Variants in TMEM145 observed in about 807,000 individuals in gnomAD.
TMEM145 encodes transmembrane protein 145.
In TMEM145, 46 loss-of-function variants were observed where a neutral mutation model predicts 68.5. That is an observed-to-expected ratio of 0.67 (90% CI 0.53 to 0.86). TMEM145 has a LOEUF of 0.86. Among genes scored for constraint, TMEM145 ranks in the 40% least tolerant of loss-of-function variants. TMEM145 has a pLI of 0.00. For missense variants in TMEM145, 570 were observed against 645.8 expected, an observed-to-expected ratio of 0.88 and a Z score of 1.27; for synonymous variants, 255 against 280.2, an observed-to-expected ratio of 0.91 and a Z score of 0.90.
chr19:42,320,907 G>A, intron 13 of TMEM145: 1 of 398,102 alleles, frequency 2.5e-6, no homozygotes, highest in Non-Finnish European at 4.4e-6. Context: ...GGGATTACAG[G>A]CATGGGCCAC....
At chr19:42,318,910 C>T (rs1051763201) in intron 12 of TMEM145, among the ~76,000 whole-genome samples, 5 of 151,930 alleles carry the variant, frequency 3.3e-5, no homozygotes, top group South Asian at 2.1e-4. Flanking sequence ...GGTAAAACCC[C>T]GTCTTTACTA....
intron 8 of TMEM145, 30 bp from the exon 9 acceptor site, chr19:42,316,444 CTTTCTAT>C (rs1459611115): frequency 6.3e-7 from 1 of 1,598,480 alleles, no homozygotes; most frequent in East Asian, 2.2e-5. Context: ...CCCAGAGCTG[CTTTCTAT>C]CCTTTCTTAT....
chr19:42,320,301 A>G lies in TMEM145; in HGVS notation c.1074-16A>G. ...ACAGGAGCAGTGTCTCTACTGACCC[A>G]ATACTTCCCCTTCAGGTTCTTTGCG... is the stretch of plus-strand genomic sequence containing the variant. On this transcript the variant is annotated splice_polypyrimidine_tract_variant and intron_variant, in intron 12 of 14. Coordinates refer to ENST00000301204, the MANE Select transcript of TMEM145 (RefSeq NM_173633.3). 3.1e-6 allele frequency: 5 copies of G among 1,613,582 alleles called. No homozygotes were observed. The highest frequency in any genetic ancestry group is 4.2e-6 in the Non-Finnish European group (5 of 1,179,988).
chr19:42,314,266 T>C lies in TMEM145; in HGVS notation c.121-6T>C. ...AGCGGAGGGTCAGACTGGGCCCCTT[T>C]TTCAGGACTGGGTGTTCCTGACAAG... On this transcript the variant is annotated splice_polypyrimidine_tract_variant and splice_region_variant and intron_variant, in intron 1 of 14. Coordinates refer to ENST00000301204, the MANE Select transcript of TMEM145 (RefSeq NM_173633.3). 6.2e-7 allele frequency: 1 copy of C among 1,613,992 alleles called. No homozygotes were observed. The highest frequency in any genetic ancestry group is 8.5e-7 in the Non-Finnish European group (1 of 1,179,988).
In TMEM145 at chr19:42,323,612, G is replaced by C; in HGVS notation, c.1224G>C (p.Lys408Asn). 1.2e-6 allele frequency: 2 copies of C among 1,614,136 alleles called. No homozygotes were observed. Among genetic ancestry groups the C allele is most frequent in the Non-Finnish European group, 1.7e-6 (2 of 1,180,028 alleles). Residue 408 changes from lysine (K) to asparagine (N), a missense_variant, in exon 14 of 15, where the codon AAG becomes AAC. By Grantham distance (94) the Lys-to-Asn change is moderately conservative (BLOSUM62 0). Coordinates refer to ENST00000301204, the MANE Select transcript of TMEM145 (RefSeq NM_173633.3). ...LIMTRPSAAN[K>N]NFPYHVRTSQ... ...TGACCCGCCCATCAGCGGCCAACAA[G>C]AACTTCCCGTACCACGTGCGCACGT...
intron 11 of TMEM145, 33 bp from the exon 12 acceptor site, chr19:42,317,671 GAGGCC>G (rs1037598385): frequency 6.2e-7 from 1 of 1,610,444 alleles, no homozygotes; most frequent in Non-Finnish European, 8.5e-7. Context: ...TAGAGGGGAG[GAGGCC>G]AGGCTGTGAT....
chr19:42,315,165 TACTC>T lies in TMEM145; in HGVS notation c.506-22_506-19del. On this transcript the variant is annotated intron_variant, in intron 6 of 14. Coordinates refer to ENST00000301204, the MANE Select transcript of TMEM145 (RefSeq NM_173633.3). The stretch of plus-strand genomic sequence containing the variant: ...AGGGGACATCCACCTGAATGAACCT[TACTC>T]CTCCTACCAAATCGGCAGGGATCCT... 1 of 1,613,352 alleles carries T rather than the reference TACTC, an allele frequency of 6.2e-7. No homozygotes were observed. Among genetic ancestry groups the T allele is most frequent in the Non-Finnish European group, 8.5e-7 (1 of 1,179,422 alleles).
intron 12 of TMEM145, among the ~76,000 whole-genome samples, chr19:42,319,284 C>A (rs2038889325): frequency 6.6e-6 from 1 of 152,128 alleles, no homozygotes; most frequent in African/African-American, 2.4e-5. Flanking sequence ...AGTTTCCTCA[C>A]CTTTTAATGG....
intron 13 of TMEM145, chr19:42,321,288 G>C (rs1379748053): frequency 2.6e-6 from 1 of 391,414 alleles, no homozygotes; most frequent in South Asian, 1.4e-4. Flanking sequence ...GCAGTGGCGC[G>C]ATCTTGGCTC....
chr19:42,321,451 G>C (rs964274158), intron 13 of TMEM145: 1 of 250,734 alleles, frequency 4.0e-6, no homozygotes, highest in African/African-American at 2.3e-5. Context: ...GTGCAGAGGT[G>C]CGATCTCGGC....
chr19:42,314,414 G>T, intron 2 of TMEM145, 37 bp from the exon 3 acceptor site: 1 of 1,613,926 alleles, frequency 6.2e-7, no homozygotes, highest in Non-Finnish European at 8.5e-7. Flanking sequence ...GGCACAGGCT[G>T]CCCCAGCTCC....
intron 12 of TMEM145, among the ~76,000 whole-genome samples, chr19:42,318,420 T>C (rs1348678893): frequency 6.8e-6 from 1 of 146,086 alleles, no homozygotes; most frequent in African/African-American, 2.6e-5. Flanking sequence ...GCGTGGTGGC[T>C]CACACCTGTA....
At position 42,323,726 on chromosome 19, in the gene TMEM145, G is replaced by A; in HGVS notation, c.1338G>A (p.Thr446=). The A allele has an allele frequency of 6.2e-7, 1 of 1,614,054 alleles. No homozygotes were observed. The highest frequency in any genetic ancestry group is 1.1e-5 in the South Asian group (1 of 91,078). ...CGCAGCACGTCTATGGGAACGTGAC[G>A]TTTATCAGCGACTCGGTGCCCAACT... The part of the protein sequence containing the change: ...AFPQHVYGNV[T]FISDSVPNFT... Residue 446 remains threonine, a synonymous_variant, in exon 14 of 15, where the codon ACG becomes ACA. Transcript: ENST00000301204.
chr19:42,316,517 A>T lies in TMEM145; in HGVS notation c.683A>T (p.Gln228Leu). The T allele has an allele frequency of 6.2e-7, 1 of 1,614,154 alleles. No individual in the cohort carries two copies. The highest frequency in any genetic ancestry group is 8.5e-7 in the Non-Finnish European group (1 of 1,180,010). ...CTATTTTTCTGCATCTACTGGGGTC[A>T]ATATGCCACCGATGGCATTGGCAAC... ...SLLFFCIYWG[Q>L]YATDGIGNES... Residue 228 changes from glutamine to leucine, a missense_variant, in exon 9 of 15, where the codon CAA becomes CTA. Coordinates refer to ENST00000301204, the MANE Select transcript of TMEM145 (RefSeq NM_173633.3).
chr19:42,314,383 G>A (rs774813366), intron 2 of TMEM145, 37 bp downstream of exon 2: 1 of 1,614,046 alleles, frequency 6.2e-7, no homozygotes, highest in South Asian at 1.1e-5. Flanking sequence ...CTGAGGCTGG[G>A]TACTTCCCTT....
In TMEM145 at chr19:42,324,821, C is replaced by T; in HGVS notation, c.*4C>T. ...TGGCCCCCTTCGAGACCTCTGACCC[C>T]GCTGGACTCCGGAACACCCGTGGTG... is the stretch of plus-strand genomic sequence containing the variant. On this transcript the variant is annotated 3_prime_UTR_variant, in exon 15 of 15. Coordinates refer to ENST00000301204, the MANE Select transcript of TMEM145 (RefSeq NM_173633.3). 1 of 1,558,038 alleles carries T rather than the reference C, an allele frequency of 6.4e-7. No individual in the cohort carries two copies. The highest frequency in any genetic ancestry group is 8.6e-7 in the Non-Finnish European group (1 of 1,158,760).
At chr19:42,323,404 G>C (rs2038929533) in intron 13 of TMEM145, among the ~76,000 whole-genome samples, 179 bp from the exon 14 acceptor site, 1 of 152,218 alleles carries the variant, frequency 6.6e-6, no homozygotes, top group South Asian at 2.1e-4. Flanking sequence ...TTTGTTGAAG[G>C]GAAAAGGTGA....
At chr19:42,317,369 C>T (rs150492992) in intron 11 of TMEM145, among the ~76,000 whole-genome samples, 77 of 152,318 alleles carry the variant, frequency 5.1e-4, no homozygotes, top group Middle Eastern at 3.4e-3. Flanking sequence ...TTTCTATCGT[C>T]TGTATGGCTT....
Position 42,325,001 on chromosome 19 carries a change from C to A in TMEM145, c.*184C>A. The A allele has an allele frequency of 2.0e-6, 2 of 1,022,222 alleles. No homozygotes were observed. The highest frequency in any genetic ancestry group is 2.5e-6 in the Non-Finnish European group (2 of 784,822). The allele number at this position is 1,022,222 out of a possible 1,614,324, so 63.3% of individuals were successfully genotyped here. On this transcript the variant is annotated 3_prime_UTR_variant, in exon 15 of 15. Coordinates refer to ENST00000301204, the MANE Select transcript of TMEM145 (RefSeq NM_173633.3). ...CCATTCCGGGGGCCTTCCCTCGGGT[C>A]CCTGGCAGAAAGACATTTTACCCCT...
Sources: allele counts gnomAD v4.1 joint callset (sites outside exome capture counted in the v4.1 genomes callset), GRCh38; gene constraint gnomAD v4.1.1; transcripts MANE v1.5; gene names NCBI Gene and HGNC (gene_info 2026-07-23, HGNC 2026-07-21).